The following NADK2 variants were observed in gnomAD, a reference collection of about 807,000 sequenced individuals.
NADK2 encodes the protein NAD kinase 2, mitochondrial.
NADK2 carries 35 observed loss-of-function variants against 62.1 expected under a neutral mutation model. That is an observed-to-expected ratio of 0.56 (90% confidence interval 0.43 to 0.75). The LOEUF (loss-of-function observed/expected upper bound fraction) is 0.75, where lower values mean the gene tolerates loss of function less well. Among genes scored for constraint, NADK2 ranks in the 30% least tolerant of loss-of-function variants. The pLI is 0.00. For synonymous variants in NADK2, 205 were observed against 207.9 expected, an observed-to-expected ratio of 0.99 and a Z score of 0.12; for missense variants, 439 against 561.3, an observed-to-expected ratio of 0.78 and a Z score of 2.20.
chr5:36,233,437 G>T (rs1313276785), intron 1 of NADK2, among the ~76,000 whole-genome samples: 1 of 152,140 alleles, frequency 6.6e-6, no homozygotes, highest in Non-Finnish European at 1.5e-5. Flanking sequence ...ACCACTAGGA[G>T]ATAAAGCTAA....
intron 7 of NADK2, among the ~76,000 whole-genome samples, chr5:36,211,325 T>C (rs1003503923): frequency 1.3e-5 from 2 of 152,162 alleles, no homozygotes; most frequent in African/African-American, 4.8e-5. Context: ...TCTTCTGCCG[T>C]GGCTTCAGCC....
intron 8 of NADK2, among the ~76,000 whole-genome samples, chr5:36,206,243 G>GT (rs1746630038): frequency 6.7e-6 from 1 of 150,064 alleles, no homozygotes; most frequent in Non-Finnish European, 1.5e-5. Flanking sequence ...GTATACCTAT[G>GT]TAACAAACCT....
chr5:36,215,683 T>C (rs1352174254), intron 6 of NADK2, among the ~76,000 whole-genome samples: 3 of 152,226 alleles, frequency 2.0e-5, no homozygotes, highest in Admixed American at 6.5e-5. Flanking sequence ...CACATATGAA[T>C]GAAAGCATAT....
Position 36,236,100 on chromosome 5 carries a change from T to G in NADK2, c.300+5399A>C, listed in dbSNP as rs10941284. ...TTAATTTATATAATTAAAAATATAG[T>G]AAAATGATAACAGTGAAAAATTTTG... On this transcript the variant is annotated intron_variant, in intron 1 of 11. Transcript: ENST00000381937. 0.012 allele frequency among the ~76,000 whole-genome samples: 1,845 copies of G among 152,206 alleles called. 156 individuals carry two copies. In the East Asian group the frequency reaches 0.21, roughly 18 times the overall value.
intron 8 of NADK2, among the ~76,000 whole-genome samples, chr5:36,201,952 T>C (rs1344466587): frequency 6.6e-6 from 1 of 152,032 alleles, no homozygotes; most frequent in African/African-American, 2.4e-5. Flanking sequence ...TTTAAAAAAA[T>C]ATATTCCCAG....
intron 1 of NADK2, among the ~76,000 whole-genome samples, chr5:36,239,969 T>G (rs1748047242): frequency 6.6e-6 from 1 of 152,224 alleles, no homozygotes; most frequent in African/African-American, 2.4e-5. Flanking sequence ...TATTTTAAAT[T>G]GTTGTGGGAA....
intron 8 of NADK2, among the ~76,000 whole-genome samples, chr5:36,206,615 A>T (rs936421237): frequency 6.6e-6 from 1 of 152,116 alleles, no homozygotes; most frequent in African/African-American, 2.4e-5. Context: ...TGAAGACAAT[A>T]AATTCAGTTC....
chr5:36,225,362 T>C (rs995557545), intron 4 of NADK2, among the ~76,000 whole-genome samples, 180 bp downstream of exon 4: 1 of 152,164 alleles, frequency 6.6e-6, no homozygotes, highest in Non-Finnish European at 1.5e-5. Flanking sequence ...AAAATGTCTG[T>C]AGCAACAGAG....
chr5:36,196,522 G>T (rs1368778490), intron 11 of NADK2, among the ~76,000 whole-genome samples: 1 of 151,926 alleles, frequency 6.6e-6, no homozygotes, highest in Non-Finnish European at 1.5e-5. Context: ...AAATATTCTG[G>T]CTATGAGCCC....
Position 36,193,041 on chromosome 5 carries a change from C to T in NADK2, c.*2103G>A, listed in dbSNP as rs1177762094. 1 of 152,128 alleles carries T rather than the reference C, an allele frequency of 6.6e-6. No individual in the cohort carries two copies. Among genetic ancestry groups the T allele is most frequent in the Non-Finnish European group, 1.5e-5 (1 of 68,018 alleles). 9.4% of individuals were successfully genotyped at this position (152,128 alleles called of 1,614,324 possible). A position where few individuals can be genotyped will look rare whatever the true frequency, so the allele number is the denominator to read the frequency against. ...TAGAAATTATATCACAAATGGAGCA[C>T]AATAAGTATTTTTAAAACCTTTTAA... On this transcript the variant is annotated 3_prime_UTR_variant, in exon 12 of 12. Transcript: ENST00000381937.
intron 7 of NADK2, among the ~76,000 whole-genome samples, chr5:36,211,272 T>G (rs573022294): frequency 6.6e-6 from 1 of 152,292 alleles, no homozygotes; most frequent in Admixed American, 6.5e-5. Context: ...AAGTATTAAT[T>G]TTGGGAACTG....
chr5:36,217,684 T>G (rs1011341918), intron 6 of NADK2, 64 bp downstream of exon 6: 97 of 1,593,108 alleles, frequency 6.1e-5, no homozygotes, highest in Non-Finnish European at 7.6e-5. Context: ...ATCAAAAAAT[T>G]TGAGGTCAAA....
chr5:36,201,217 C>A, intron 8 of NADK2, 56 bp from the exon 9 acceptor site: 19 of 1,454,996 alleles, frequency 1.3e-5, no homozygotes, highest in Admixed American at 1.3e-4. Flanking sequence ...TGCTAAAAAT[C>A]AAAAAGGAAT....
Position 36,241,312 on chromosome 5 carries a change from G to A in NADK2, c.300+187C>T. 8.5e-7 allele frequency: 1 copy of A among 1,170,872 alleles called. No individual in the cohort carries two copies. Among genetic ancestry groups the A allele is most frequent in the Middle Eastern group, 3.2e-4 (1 of 3,170 alleles). The allele number at this position is 1,170,872 out of a possible 1,614,324, so 72.5% of individuals were successfully genotyped here. A position where few individuals can be genotyped will look rare whatever the true frequency, so the allele number is the denominator to read the frequency against. On this transcript the variant is annotated intron_variant, in intron 1 of 11. Coordinates refer to ENST00000381937, the MANE Select transcript of NADK2 (RefSeq NM_001085411.3). This position sits in a 1 kb window ranked among gnomAD's most constrained non-coding sequence, Gnocchi z 4.9. ...CTCTCCCCGGCCCTGCCTCTCCCTC[G>A]CACACACGCCCAAAGGCAAAGGAGG...
At position 36,205,850 on chromosome 5, in the gene NADK2, T is replaced by G. The variant is rs1387336230; in HGVS notation, c.956+1320A>C. On this transcript the variant is annotated intron_variant, in intron 8 of 11. Transcript: ENST00000381937. This position sits in a 1 kb window ranked among gnomAD's most constrained non-coding sequence, Gnocchi z 4.1. Reference sequence around the variant, plus strand: ...TATAAAGACACATGCACATGTATATTTATTGTGGCACTATTCACAATAGCA... The same window carrying G: ...TATAAAGACACATGCACATGTATATGTATTGTGGCACTATTCACAATAGCA... Among the ~76,000 whole-genome samples the G allele has an allele frequency of 6.6e-6, 1 of 152,156 alleles. No homozygotes were observed. The highest frequency in any genetic ancestry group is 1.5e-5 in the Non-Finnish European group (1 of 68,040).
chr5:36,219,637 G>A lies in NADK2; in HGVS notation c.603C>T (p.Ser201=). 6 of 1,614,002 alleles carry A rather than the reference G, an allele frequency of 3.7e-6. No homozygotes were observed. The highest frequency in any genetic ancestry group is 5.1e-6 in the Non-Finnish European group (6 of 1,179,944). The change falls in exon 5 of 12, where the codon TCC becomes TCT. Residue 201 remains serine, a synonymous_variant. Coordinates refer to ENST00000381937, the MANE Select transcript of NADK2 (RefSeq NM_001085411.3). ...HLCLPVRYTH[S]FPEALQKFYR... ...AGAACTTCTGTAAGGCTTCTGGAAAGGAATGTGTATATCGAACGGGCAGGC... is the reference window on the plus strand; with the variant it reads ...AGAACTTCTGTAAGGCTTCTGGAAAAGAATGTGTATATCGAACGGGCAGGC...
At chr5:36,196,081 A>C (rs1472524997) in intron 11 of NADK2, among the ~76,000 whole-genome samples, 2 of 152,148 alleles carry the variant, frequency 1.3e-5, no homozygotes, top group Non-Finnish European at 2.9e-5. Flanking sequence ...GTTTTTGGCT[A>C]TTGGGAGTAG....
At chr5:36,230,382 G>C (rs1232962943) in intron 1 of NADK2, among the ~76,000 whole-genome samples, 2 of 152,242 alleles carry the variant, frequency 1.3e-5, no homozygotes, top group Non-Finnish European at 2.9e-5. Context: ...CCTTGCAGCT[G>C]CAACAGCCAC....
chr5:36,241,504 G>A lies in NADK2; in HGVS notation c.295C>T (p.Gln99Ter), dbSNP rs1227811280. 6.4e-7 allele frequency: 1 copy of A among 1,553,580 alleles called. No homozygotes were observed. Residue 99 changes from glutamine (Q) to a stop codon, truncating the protein, a stop_gained, in exon 1 of 12, where the codon CAG becomes TAG. Coordinates refer to ENST00000381937, the MANE Select transcript of NADK2 (RefSeq NM_001085411.3). LOFTEE classifies it high-confidence loss of function. The surrounding 1 kb of genome is among the most constrained non-coding windows in gnomAD (Gnocchi z 4.9). The stretch of plus-strand genomic sequence containing the variant: ...GGGGCCGAGCCAGGACCCACCAGCT[G>A]CTTCAGGTCCTCCTCCGAGAGCTCC... The part of the protein sequence containing the change: ...YAELSEEDLK[Q>*]LLALKGSSYS...
Sources: gnomAD v4.1 joint callset for allele counts (sites outside exome capture counted in the v4.1 genomes callset) on GRCh38, gnomAD v4.1.1 for gene constraint, Gnocchi (gnomAD v3.1) non-coding constraint, MANE v1.5 for transcripts, NCBI Gene and HGNC (gene_info 2026-07-23, HGNC 2026-07-21) for gene names.